TFEC: variants seen among roughly 807,000 people sequenced by gnomAD.
TFEC encodes the protein class E basic helix-loop-helix protein 34.
A neutral mutation model predicts 41.6 loss-of-function variants in TFEC; 31 were observed. That is an observed-to-expected ratio of 0.74 (90% CI 0.56 to 1.01). The LOEUF (loss-of-function observed/expected upper bound fraction) is 1.01, where lower values mean the gene tolerates loss of function less well. Ranked by LOEUF, TFEC falls within the 50% of genes least tolerant of loss-of-function variation. TFEC has a pLI of 0.00. For synonymous variants in TFEC, 143 were observed against 140.6 expected (o/e 1.02, Z -0.12); for missense variants, 402 against 404.1 (o/e 0.99, Z 0.04).
At chr7:115,946,395 ACG>A (rs1491405243) in intron 6 of TFEC, among the ~76,000 whole-genome samples, 6 of 88,760 alleles carry the variant, frequency 6.8e-5, no homozygotes, top group Non-Finnish European at 1.1e-4. Flanking sequence ...CAGAAACATA[ACG>A]TGTGTGTGTG....
At chr7:116,012,179 T>C (rs769693075) in intron 1 of TFEC, among the ~76,000 whole-genome samples, 10 of 152,206 alleles carry the variant, frequency 6.6e-5, no homozygotes, top group Non-Finnish European at 1.5e-4. Flanking sequence ...ATTACTTCAA[T>C]TAGATTCAGT....
chr7:116,058,354 A>C (rs1486917992), intron 3 of TFEC, among the ~76,000 whole-genome samples: 1 of 150,824 alleles, frequency 6.6e-6, no homozygotes, highest in East Asian at 2.0e-4. Context: ...TGAACCTAAT[A>C]ACAGAGTTTC....
chr7:115,992,165 A>G (rs1250152222), intron 1 of TFEC, among the ~76,000 whole-genome samples: 7 of 152,230 alleles, frequency 4.6e-5, no homozygotes, highest in Non-Finnish European at 7.3e-5. Context: ...CAATGAGAAC[A>G]AAGACACAAC....
At chr7:116,052,988 C>T (rs1377826027) in intron 3 of TFEC, among the ~76,000 whole-genome samples, 1 of 151,938 alleles carries the variant, frequency 6.6e-6, no homozygotes, top group Non-Finnish European at 1.5e-5. Context: ...AGGAGAACGG[C>T]ATGAACCTGG....
chr7:115,976,500 C>A (rs1793385971), intron 2 of TFEC, among the ~76,000 whole-genome samples: 1 of 152,100 alleles, frequency 6.6e-6, no homozygotes, highest in Non-Finnish European at 1.5e-5. Flanking sequence ...TTCATGGGTA[C>A]TACAGTGGAG....
chr7:116,086,578 C>G lies in TFEC; in HGVS notation c.198+24130G>C, dbSNP rs557436393. 7.9e-5 allele frequency among the ~76,000 whole-genome samples: 12 copies of G among 151,510 alleles called. No homozygotes were observed. The South Asian group carries it at 1.9e-3, about 24-fold the overall frequency. ...CGAATGCTTCTTTATGAGTACCCCC[C>G]CACTGTTTTCCAAGCTGTAATGCTA... On this transcript the variant is annotated intron_variant, in intron 3 of 8. Transcript: ENST00000484212.
At chr7:116,044,048 TAC>T (rs1796102151) in intron 3 of TFEC, among the ~76,000 whole-genome samples, 1 of 152,210 alleles carries the variant, frequency 6.6e-6, no homozygotes, top group Non-Finnish European at 1.5e-5. Context: ...GAAAGTAATC[TAC>T]AGTCTCTGAA....
At chr7:116,052,336 T>G (rs1377670119) in intron 3 of TFEC, among the ~76,000 whole-genome samples, 1 of 152,222 alleles carries the variant, frequency 6.6e-6, no homozygotes, top group Non-Finnish European at 1.5e-5. Context: ...CCATTTCTTA[T>G]TCTCAAATAC....
At chr7:115,962,362 C>T (rs1012127392) in intron 3 of TFEC, among the ~76,000 whole-genome samples, 1 of 151,698 alleles carries the variant, frequency 6.6e-6, no homozygotes, top group Non-Finnish European at 1.5e-5. Context: ...CATGAAATCT[C>T]AAGGGACCCT....
intron 3 of TFEC, among the ~76,000 whole-genome samples, chr7:115,961,320 A>G (rs776641212): frequency 6.6e-6 from 1 of 151,634 alleles, no homozygotes; most frequent in Non-Finnish European, 1.5e-5. Flanking sequence ...ATTGTTAAAA[A>G]CCTCAAAGTT....
chr7:116,130,871 CA>C (rs1798318189), intron 1 of TFEC, among the ~76,000 whole-genome samples: 1 of 152,180 alleles, frequency 6.6e-6, no homozygotes, highest in Non-Finnish European at 1.5e-5. Flanking sequence ...TTTGGCCTCC[CA>C]AAGTACTGGG....
intron 1 of TFEC, among the ~76,000 whole-genome samples, chr7:116,138,583 G>T (rs1370463475): frequency 2.0e-5 from 3 of 152,176 alleles, no homozygotes; most frequent in Admixed American, 6.5e-5. Context: ...CTAAGAGACA[G>T]AATATAACTT....
intron 3 of TFEC, among the ~76,000 whole-genome samples, chr7:116,058,219 G>A (rs1796473450): frequency 6.6e-6 from 1 of 151,572 alleles, no homozygotes; most frequent in Non-Finnish European, 1.5e-5. Flanking sequence ...CGGATCAAAA[G>A]GCAATTGGAA....
At chr7:116,020,117 G>A (rs1434498744) in intron 1 of TFEC, among the ~76,000 whole-genome samples, 1 of 152,170 alleles carries the variant, frequency 6.6e-6, no homozygotes, top group Non-Finnish European at 1.5e-5. Flanking sequence ...TAATGCCTGA[G>A]AAAGTGGGGC....
intron 3 of TFEC, among the ~76,000 whole-genome samples, chr7:116,082,338 C>T (rs1449434868): frequency 6.6e-6 from 1 of 151,902 alleles, no homozygotes; most frequent in South Asian, 2.1e-4. Flanking sequence ...GATAGGAGGA[C>T]CTTTTCCTAG....
intron 3 of TFEC, among the ~76,000 whole-genome samples, chr7:116,056,220 C>A (rs1372243306): frequency 1.3e-5 from 2 of 151,878 alleles, no homozygotes; most frequent in Admixed American, 6.6e-5. Flanking sequence ...GTAAGCTCGA[C>A]AATTTTCCTA....
At chr7:116,038,282 G>T (rs1046791606) in intron 3 of TFEC, among the ~76,000 whole-genome samples, 16 of 151,976 alleles carry the variant, frequency 1.1e-4, no homozygotes, top group African/African-American at 3.9e-4. Context: ...GGCAAAACTT[G>T]TCTTTAACAT....
At chr7:115,976,469 A>C (rs1584623515) in intron 2 of TFEC, among the ~76,000 whole-genome samples, 2 of 152,244 alleles carry the variant, frequency 1.3e-5, no homozygotes, top group African/African-American at 4.8e-5. Context: ...ACTAACTTTA[A>C]ATTCAAATAG....
intron 1 of TFEC, among the ~76,000 whole-genome samples, chr7:116,116,000 C>T (rs927649105): frequency 6.6e-6 from 1 of 151,906 alleles, no homozygotes; most frequent in Non-Finnish European, 1.5e-5. Context: ...TGGTTATTTA[C>T]AGCTGATATG....
Sources: allele counts gnomAD v4.1 joint callset (sites outside exome capture counted in the v4.1 genomes callset), GRCh38; gene constraint gnomAD v4.1.1; transcripts MANE v1.5; gene names NCBI Gene and HGNC (gene_info 2026-07-23, HGNC 2026-07-21).